The following RIT2 variants were observed in gnomAD, a reference collection of about 807,000 sequenced individuals.
RIT2 encodes the protein GTP-binding protein Rit2.
A neutral mutation model predicts 23.7 loss-of-function variants in RIT2; 24 were observed. The observed-to-expected ratio is 1.01, with a 90% confidence interval of 0.73 to 1.43. The LOEUF (loss-of-function observed/expected upper bound fraction) is 1.43, where lower values mean the gene tolerates loss of function less well. Among genes scored for constraint, RIT2 ranks in the 40% most tolerant of loss-of-function variants. The probability of loss-of-function intolerance (pLI) is 0.00; values close to 1 mark genes in which losing one functional copy is unlikely to be tolerated. For missense variants in RIT2, 236 were observed against 266.9 expected, an observed-to-expected ratio of 0.88 and a Z score of 0.81; for synonymous variants, 107 against 91.1, an observed-to-expected ratio of 1.17 and a Z score of -0.99.
At chr18:42,793,320 C>T (rs76797515) in intron 4 of RIT2, among the ~76,000 whole-genome samples, 2,455 of 152,236 alleles carry the variant, frequency 0.016, 40 homozygotes, top group Non-Finnish European at 0.024. Context: ...TTCATTTAAA[C>T]TGTTTTACTT....
intron 4 of RIT2, among the ~76,000 whole-genome samples, chr18:42,772,802 C>T (rs1433714345): frequency 6.6e-6 from 1 of 152,144 alleles, no homozygotes; most frequent in Non-Finnish European, 1.5e-5. Context: ...TTTTCAGCCT[C>T]ACCCCCGAAA....
intron 4 of RIT2, among the ~76,000 whole-genome samples, chr18:42,846,040 A>T (rs2144030245): frequency 6.6e-6 from 1 of 152,110 alleles, no homozygotes; most frequent in African/African-American, 2.4e-5. Context: ...GGAAGAAAAT[A>T]ACATACATAA....
intron 4 of RIT2, among the ~76,000 whole-genome samples, chr18:42,903,261 A>T (rs910453176): frequency 1.3e-5 from 2 of 152,064 alleles, no homozygotes; most frequent in Non-Finnish European, 2.9e-5. Context: ...TTGAAAGATA[A>T]GAGAAAACAG....
chr18:42,880,684 C>G (rs1907865251), intron 4 of RIT2, among the ~76,000 whole-genome samples: 1 of 151,900 alleles, frequency 6.6e-6, no homozygotes, highest in Non-Finnish European at 1.5e-5. Flanking sequence ...TTAAATACTT[C>G]ATATACATTG....
intron 3 of RIT2, among the ~76,000 whole-genome samples, chr18:42,940,686 A>G (rs1382267334): frequency 6.6e-6 from 1 of 152,172 alleles, no homozygotes; most frequent in Non-Finnish European, 1.5e-5. Context: ...TATTTTTTAA[A>G]AAGAATAGTA....
intron 4 of RIT2, among the ~76,000 whole-genome samples, chr18:42,827,210 T>C (rs17634648): frequency 0.11 from 16,370 of 152,282 alleles, 997 homozygotes; most frequent in Middle Eastern, 0.24. Context: ...GACTGTGTTA[T>C]ATTTTAGAGG....
intron 4 of RIT2, among the ~76,000 whole-genome samples, chr18:42,764,029 A>G (rs1913365249): frequency 6.6e-6 from 1 of 152,112 alleles, no homozygotes. Flanking sequence ...ATGACTGTAT[A>G]TCTGTTTTTC....
chr18:43,023,538 C>A (rs1373319518), intron 2 of RIT2, among the ~76,000 whole-genome samples: 1 of 151,988 alleles, frequency 6.6e-6, no homozygotes, highest in African/African-American at 2.4e-5. Context: ...CATTATTTCA[C>A]ATAAAAATCA....
At chr18:43,059,732 C>T (rs1912598178) in intron 1 of RIT2, among the ~76,000 whole-genome samples, 1 of 152,114 alleles carries the variant, frequency 6.6e-6, no homozygotes, top group African/African-American at 2.4e-5. Context: ...GAAATTTCTC[C>T]AGTTAAACTG....
intron 3 of RIT2, among the ~76,000 whole-genome samples, chr18:42,966,718 C>T (rs767811042): frequency 2.0e-5 from 3 of 151,974 alleles, no homozygotes; most frequent in African/African-American, 7.3e-5. Flanking sequence ...TCAGGGAATG[C>T]CATGATTTTA....
intron 1 of RIT2, among the ~76,000 whole-genome samples, chr18:43,075,119 A>ATTATTTATT: frequency 6.6e-6 from 1 of 152,156 alleles, no homozygotes; most frequent in Non-Finnish European, 1.5e-5. Context: ...ATGTGTCTTA[A>ATTATTTATT]ATTATTTATT....
intron 4 of RIT2, among the ~76,000 whole-genome samples, chr18:42,907,439 A>G (rs1218551013): frequency 6.6e-6 from 1 of 152,200 alleles, no homozygotes; most frequent in Non-Finnish European, 1.5e-5. Context: ...GGTTGAGCAC[A>G]ATGATAAAGA....
At chr18:42,941,068 G>C (rs1909589419) in intron 3 of RIT2, among the ~76,000 whole-genome samples, 1 of 152,162 alleles carries the variant, frequency 6.6e-6, no homozygotes, top group African/African-American at 2.4e-5. Context: ...TTATTCAGCA[G>C]AAGAGAGGCT....
chr18:42,864,232 C>G (rs897208847), intron 4 of RIT2, among the ~76,000 whole-genome samples: 4 of 152,130 alleles, frequency 2.6e-5, no homozygotes, highest in African/African-American at 9.7e-5. Flanking sequence ...AACCAGGTAT[C>G]AACACTTGAA....
At chr18:43,077,425 A>AT (rs139527586) in intron 1 of RIT2, among the ~76,000 whole-genome samples, 10,420 of 151,252 alleles carry the variant, frequency 0.069, 735 homozygotes, top group East Asian at 0.36. Context: ...TTTCTTGAAC[A>AT]TTTTTTTTTG....
chr18:43,025,652 C>T (rs1369125370), intron 2 of RIT2, among the ~76,000 whole-genome samples: 1 of 151,848 alleles, frequency 6.6e-6, no homozygotes, highest in Non-Finnish European at 1.5e-5. Context: ...TGAAATACTA[C>T]TAAATCATAA....
intron 4 of RIT2, among the ~76,000 whole-genome samples, chr18:42,771,358 A>G (rs921601202): frequency 6.6e-6 from 1 of 152,292 alleles, no homozygotes; most frequent in Middle Eastern, 3.4e-3. Flanking sequence ...TTATATTGAC[A>G]TATTTTACTT....
chr18:42,881,911 T>C (rs1326666412), intron 4 of RIT2, among the ~76,000 whole-genome samples: 1 of 152,238 alleles, frequency 6.6e-6, no homozygotes, highest in Non-Finnish European at 1.5e-5. Context: ...CATTTTTACT[T>C]GTCATCTCAG....
intron 4 of RIT2, among the ~76,000 whole-genome samples, chr18:42,876,735 A>G (rs1378453101): frequency 2.0e-5 from 3 of 151,906 alleles, no homozygotes; most frequent in Admixed American, 1.3e-4. Context: ...CCAAGAAGTA[A>G]TAAGTCATAG....
Sources: gnomAD v4.1 joint callset for allele counts (sites outside exome capture counted in the v4.1 genomes callset) on GRCh38, gnomAD v4.1.1 for gene constraint, MANE v1.5 for transcripts, NCBI Gene and HGNC (gene_info 2026-07-23, HGNC 2026-07-21) for gene names.